TRIT1: variants seen among roughly 807,000 people sequenced by gnomAD.
The protein encoded by TRIT1 is tRNA dimethylallyltransferase.
TRIT1 carries 43 observed loss-of-function variants against 51.2 expected under a neutral mutation model. The ratio of observed to expected loss-of-function variants is 0.84; its 90% CI spans 0.66 to 1.08. The LOEUF is 1.08. Among genes scored for constraint, TRIT1 ranks in the 50% least tolerant of loss-of-function variants. TRIT1 has a pLI of 0.00. For missense variants in TRIT1, 528 were observed against 578.4 expected, an observed-to-expected ratio of 0.91 and a Z score of 0.89; for synonymous variants, 184 against 203.9, an observed-to-expected ratio of 0.90 and a Z score of 0.83.
In TRIT1 at chr1:39,844,510, T is replaced by C. The variant is rs1391348929; in HGVS notation, c.1116+21A>G. The C allele has an allele frequency of 3.8e-6, 6 of 1,578,682 alleles. No homozygotes were observed. In the East Asian group the frequency reaches 6.7e-5, roughly 18 times the overall value. Reference sequence around the variant, plus strand: ...GTGCTCTGAAAACCAGAAAATAGAATGTATCATGATTCATAATTACCTGGA... The same window carrying C: ...GTGCTCTGAAAACCAGAAAATAGAACGTATCATGATTCATAATTACCTGGA... On this transcript the variant is annotated intron_variant, in intron 9 of 10. Transcript: ENST00000316891.
At chr1:39,864,570 C>G (rs1250196227) in intron 1 of TRIT1, among the ~76,000 whole-genome samples, 1 of 144,670 alleles carries the variant, frequency 6.9e-6, no homozygotes, top group East Asian at 2.0e-4. Flanking sequence ...GATTGCGCCA[C>G]TGCACTGACA....
Position 39,850,100 on chromosome 1 carries a change from G to A in TRIT1, c.703+19C>T. ...AAGTTCCATCACAGATGGACTCTAGGGCATCAAAGGGCTGTTACCTGCCTG... is the reference window on the plus strand; with the variant it reads ...AAGTTCCATCACAGATGGACTCTAGAGCATCAAAGGGCTGTTACCTGCCTG... On this transcript the variant is annotated intron_variant, in intron 5 of 10. Transcript: ENST00000316891. The A allele has an allele frequency of 2.5e-6, 4 of 1,613,590 alleles. No individual in the cohort carries two copies. Among genetic ancestry groups the A allele is most frequent in the Non-Finnish European group, 3.4e-6 (4 of 1,179,770 alleles).
chr1:39,844,528 T>C lies in TRIT1; in HGVS notation c.1116+3A>G, dbSNP rs756888115. The C allele has an allele frequency of 1.6e-5, 25 of 1,609,440 alleles. No individual in the cohort carries two copies. The Admixed American group carries it at 2.5e-4, about 16-fold the overall frequency. On this transcript the variant is annotated splice_donor_region_variant and intron_variant, in intron 9 of 10. Transcript: ENST00000316891. ...AATAGAATGTATCATGATTCATAATTACCTGGATGAAACTTTGCACGATTT... is the reference window on the plus strand; with the variant it reads ...AATAGAATGTATCATGATTCATAATCACCTGGATGAAACTTTGCACGATTT...
intron 1 of TRIT1, among the ~76,000 whole-genome samples, chr1:39,867,216 G>A (rs1643604491): frequency 6.6e-6 from 1 of 152,112 alleles, no homozygotes; most frequent in Admixed American, 6.6e-5. Flanking sequence ...CACAATCTCG[G>A]CTCACCGCAA....
At chr1:39,854,153 T>C in intron 2 of TRIT1, 85 bp from the exon 3 acceptor site, 1 of 994,564 alleles carries the variant, frequency 1.0e-6, no homozygotes, top group Non-Finnish European at 1.5e-6. Context: ...CACATTCATT[T>C]ATCTGCAGAG....
chr1:39,855,116 T>G (rs1485382464), intron 2 of TRIT1, among the ~76,000 whole-genome samples: 1 of 152,204 alleles, frequency 6.6e-6, no homozygotes, highest in Non-Finnish European at 1.5e-5. Context: ...CATCCCAAAG[T>G]GCTGAGGTTA....
In TRIT1 at chr1:39,866,012, G is replaced by T. The variant is rs544194579; in HGVS notation, c.175-8595C>A. 6.5e-5 allele frequency among the ~76,000 whole-genome samples: 9 copies of T among 138,736 alleles called. No individual in the cohort carries two copies. In the South Asian group the frequency reaches 1.9e-3, roughly 29 times the overall value. The allele number at this position is 138,736 out of a possible 152,430, so 91.0% of individuals were successfully genotyped here. A position where few individuals can be genotyped will look rare whatever the true frequency, so the allele number is the denominator to read the frequency against. On this transcript the variant is annotated intron_variant, in intron 1 of 10. Transcript: ENST00000316891. ...AAGAAAGGGAGGAAAGAAAGGGAAG[G>T]AAAAGAAAAGAAAGAAAAGAAAAGA...
intron 5 of TRIT1, 22 bp downstream of exon 5, chr1:39,850,097 T>C: frequency 2.5e-6 from 4 of 1,613,824 alleles, no homozygotes; most frequent in Non-Finnish European, 3.4e-6. Context: ...AGATGGACTC[T>C]AGGGCATCAA....
At chr1:39,849,175 A>ATATATG (rs1353599548) in intron 5 of TRIT1, among the ~76,000 whole-genome samples, 1 of 152,202 alleles carries the variant, frequency 6.6e-6, no homozygotes, top group Non-Finnish European at 1.5e-5. Context: ...TCTGAGCACT[A>ATATATG]TATATGTATT....
At position 39,841,746 on chromosome 1, in the gene TRIT1, A is replaced by C; in HGVS notation, c.1402T>G (p.Ter468GluextTer37). ...QNDQELKCSV* is the reference protein window; with the variant it reads ...QNDQELKCSVE Reference sequence around the variant, plus strand: ...CCAAAGGCCACTGGACATGTCTCTTAAACGCTGCATTTCAGCTCTTGATCA... The same window carrying C: ...CCAAAGGCCACTGGACATGTCTCTTCAACGCTGCATTTCAGCTCTTGATCA... Residue 468 changes from the stop codon to glutamate (E), a stop_lost, in exon 11 of 11, where the codon TAA becomes GAA. Coordinates refer to ENST00000316891, the MANE Select transcript of TRIT1 (RefSeq NM_017646.6). 6.2e-7 allele frequency: 1 copy of C among 1,610,928 alleles called. No individual in the cohort carries two copies. The highest frequency in any genetic ancestry group is 8.5e-7 in the Non-Finnish European group (1 of 1,178,980).
chr1:39,872,752 A>AACACAC (rs61554657), intron 1 of TRIT1, among the ~76,000 whole-genome samples: 31,894 of 134,818 alleles, frequency 0.24, 3,960 homozygotes, highest in African/African-American at 0.31. Flanking sequence ...GGAAGTACTA[A>AACACAC]ACACACACAC....
At chr1:39,862,374 A>G (rs1286750518) in intron 1 of TRIT1, among the ~76,000 whole-genome samples, 3 of 152,074 alleles carry the variant, frequency 2.0e-5, no homozygotes, top group African/African-American at 7.2e-5. Flanking sequence ...ACTAGTGAAT[A>G]GCAGCAATGA....
chr1:39,841,739 G>A lies in TRIT1; in HGVS notation c.*5C>T, dbSNP rs771968271. 3.1e-6 allele frequency: 5 copies of A among 1,606,504 alleles called. No homozygotes were observed. Among genetic ancestry groups the A allele is most frequent in the Non-Finnish European group, 4.2e-6 (5 of 1,177,122 alleles). On this transcript the variant is annotated 3_prime_UTR_variant, in exon 11 of 11. Transcript: ENST00000316891. Reference sequence around the variant, plus strand: ...CACCTTTCCAAAGGCCACTGGACATGTCTCTTAAACGCTGCATTTCAGCTC... The same window carrying A: ...CACCTTTCCAAAGGCCACTGGACATATCTCTTAAACGCTGCATTTCAGCTC...
At chr1:39,848,945 A>G (rs543166469) in intron 5 of TRIT1, among the ~76,000 whole-genome samples, 50 of 152,200 alleles carry the variant, frequency 3.3e-4, no homozygotes, top group Admixed American at 1.9e-3. Flanking sequence ...AGATACCATT[A>G]TTTTATGCTG....
chr1:39,849,446 T>G (rs1176351045), intron 5 of TRIT1, among the ~76,000 whole-genome samples: 1 of 152,064 alleles, frequency 6.6e-6, no homozygotes, highest in African/African-American at 2.4e-5. Flanking sequence ...GGTCTCTGAC[T>G]CCCCCCAAGA....
At position 39,841,261 on chromosome 1, in the gene TRIT1, G is replaced by A. The variant is rs1044286738; in HGVS notation, c.*483C>T. ...TTTGGTTCACTTAATCATCTCAATG[G>A]AGATGGCCCTTTCCTGCCATTCACT... On this transcript the variant is annotated 3_prime_UTR_variant, in exon 11 of 11. Transcript: ENST00000316891. 2.0e-5 allele frequency: 3 copies of A among 152,250 alleles called. No homozygotes were observed. The highest frequency in any genetic ancestry group is 7.2e-5 in the African/African-American group (3 of 41,408). 9.4% of individuals were successfully genotyped at this position (152,250 alleles called of 1,614,324 possible).
At chr1:39,856,487 GAAAA>G (rs61518870) in intron 2 of TRIT1, among the ~76,000 whole-genome samples, 1 of 108,704 alleles carries the variant, frequency 9.2e-6, no homozygotes, top group Non-Finnish European at 1.8e-5. Context: ...GTCTCTAGGA[GAAAA>G]AAAAAAAAAA....
In TRIT1 at chr1:39,852,890, G is replaced by A. The variant is rs1367916300; in HGVS notation, c.415-14C>T. The A allele has an allele frequency of 1.8e-5, 29 of 1,613,294 alleles. No individual in the cohort carries two copies. Among genetic ancestry groups the A allele is most frequent in the Non-Finnish European group, 2.3e-5 (27 of 1,179,700 alleles). On this transcript the variant is annotated splice_polypyrimidine_tract_variant and intron_variant, in intron 3 of 10. Coordinates refer to ENST00000316891, the MANE Select transcript of TRIT1 (RefSeq NM_017646.6). ...CATCTCCTGGGGCTATTAAATGATG[G>A]TTTAGAAGTATATTTAATTCAACCA...
intron 5 of TRIT1, 72 bp downstream of exon 5, chr1:39,850,047 C>T: frequency 6.5e-7 from 1 of 1,534,080 alleles, no homozygotes; most frequent in East Asian, 2.3e-5. Flanking sequence ...TGGTTCTCAG[C>T]ATTTTCTATA....
Sources: gnomAD v4.1 joint callset for allele counts (sites outside exome capture counted in the v4.1 genomes callset) on GRCh38, gnomAD v4.1.1 for gene constraint, MANE v1.5 for transcripts, NCBI Gene and HGNC (gene_info 2026-07-23, HGNC 2026-07-21) for gene names.